The following RSF1 variants were observed in gnomAD, a reference collection of about 807,000 sequenced individuals.
RSF1 encodes the protein remodeling and spacing factor 1.
A neutral mutation model predicts 145.2 loss-of-function variants in RSF1; 13 were observed. The observed-to-expected ratio is 0.09, with a 90% CI of 0.06 to 0.14. RSF1 has a LOEUF of 0.14. Ranked by LOEUF, RSF1 falls within the 10% of genes least tolerant of loss-of-function variation. The pLI, the probability that RSF1 is intolerant of heterozygous loss-of-function variation, is 1.00. For missense variants in RSF1, 1,517 were observed against 1,718.2 expected (o/e 0.88, Z 2.07); for synonymous variants, 577 against 592.6 (o/e 0.97, Z 0.38).
At chr11:77,787,786 T>G (rs1173795467) in intron 1 of RSF1, among the ~76,000 whole-genome samples, 1 of 146,376 alleles carries the variant, frequency 6.8e-6, no homozygotes, top group Admixed American at 7.0e-5. Context: ...CAGAGTTTAG[T>G]ATCTACTAAA....
intron 1 of RSF1, among the ~76,000 whole-genome samples, chr11:77,790,489 T>C (rs1031235340): frequency 1.3e-5 from 2 of 152,062 alleles, no homozygotes; most frequent in Admixed American, 6.6e-5. Context: ...TCCTCACATT[T>C]CAAAACCAAA....
intron 4 of RSF1, among the ~76,000 whole-genome samples, chr11:77,736,159 A>G (rs941419639): frequency 2.0e-5 from 3 of 152,244 alleles, no homozygotes; most frequent in African/African-American, 7.2e-5. Context: ...GTCTTAAGAC[A>G]ATCACTCCCC....
chr11:77,731,234 A>G (rs1161491752), intron 4 of RSF1, among the ~76,000 whole-genome samples: 1 of 152,120 alleles, frequency 6.6e-6, no homozygotes, highest in Non-Finnish European at 1.5e-5. Flanking sequence ...TTTAGCAGAG[A>G]CTGGTGGCCT....
intron 1 of RSF1, among the ~76,000 whole-genome samples, chr11:77,770,909 G>A (rs958709763): frequency 2.0e-5 from 3 of 152,132 alleles, no homozygotes; most frequent in Non-Finnish European, 4.4e-5. Context: ...AACCCACACA[G>A]CAGTCAGTCT....
At chr11:77,838,181 G>A in the RSF1 span, among the ~76,000 whole-genome samples, 7 of 151,868 alleles carry the variant, frequency 4.6e-5, no homozygotes, top group Admixed American at 1.3e-4. Context: ...ATATGGTTAA[G>A]GAGACACATA....
At chr11:77,725,737 T>C (rs781672585) in intron 4 of RSF1, 38 bp from the exon 5 acceptor site, 2 of 1,490,200 alleles carry the variant, frequency 1.3e-6, no homozygotes, top group South Asian at 2.9e-5. Context: ...TAAAAACCTT[T>C]TTCCTGTTCT....
intron 1 of RSF1, among the ~76,000 whole-genome samples, chr11:77,799,029 C>A (rs1187732022): frequency 1.3e-5 from 2 of 149,804 alleles, no homozygotes; most frequent in African/African-American, 2.5e-5. Flanking sequence ...ACAAATGGGA[C>A]TATATTAAAT....
At chr11:77,763,386 A>T (rs1271088402) in intron 2 of RSF1, 3 of 152,044 alleles carry the variant, frequency 2.0e-5, no homozygotes, top group Non-Finnish European at 2.9e-5. Context: ...AGAAACTTAC[A>T]ATATACACAA....
chr11:77,765,754 T>C (rs965852020), intron 1 of RSF1, among the ~76,000 whole-genome samples: 1 of 152,342 alleles, frequency 6.6e-6, no homozygotes, highest in East Asian at 1.9e-4. Flanking sequence ...AGCATTTTTC[T>C]TTTTTCTTTT....
At chr11:77,697,736 T>C (rs914260277) in intron 7 of RSF1, among the ~76,000 whole-genome samples, 1 of 151,532 alleles carries the variant, frequency 6.6e-6, no homozygotes, top group African/African-American at 2.4e-5. Flanking sequence ...ATAGCAGGTG[T>C]ATATATTTAT....
chr11:77,844,578 T>A, the RSF1 span, among the ~76,000 whole-genome samples: 1 of 152,052 alleles, frequency 6.6e-6, no homozygotes, highest in South Asian at 2.1e-4. Flanking sequence ...CCCAGGCTGG[T>A]CTTGAACTCC....
chr11:77,724,111 T>C (rs921651917), intron 5 of RSF1, among the ~76,000 whole-genome samples: 1 of 152,154 alleles, frequency 6.6e-6, no homozygotes, highest in African/African-American at 2.4e-5. Flanking sequence ...TAAACATTTT[T>C]CCAAAGAAGA....
chr11:77,834,082 T>G, the RSF1 span, among the ~76,000 whole-genome samples: 1 of 152,234 alleles, frequency 6.6e-6, no homozygotes, highest in Non-Finnish European at 1.5e-5. Context: ...TATATGTCTG[T>G]TTTTTATGGT....
chr11:77,862,686 G>A, the RSF1 span, among the ~76,000 whole-genome samples: 1 of 152,092 alleles, frequency 6.6e-6, no homozygotes, highest in Non-Finnish European at 1.5e-5. Flanking sequence ...ACATAATTGC[G>A]AGTTGTCTCT....
chr11:77,863,368 G>A, the RSF1 span, among the ~76,000 whole-genome samples: 3 of 152,146 alleles, frequency 2.0e-5, no homozygotes, highest in Admixed American at 6.5e-5. Flanking sequence ...TGGACGGTGA[G>A]CGAAAACTCA....
chr11:77,814,773 T>C (rs1590904280), intron 1 of RSF1, among the ~76,000 whole-genome samples: 1 of 152,216 alleles, frequency 6.6e-6, no homozygotes, highest in Non-Finnish European at 1.5e-5. Context: ...AAAGTAGGCA[T>C]TCACCTCAGA....
chr11:77,777,554 T>C (rs770249035), intron 1 of RSF1, among the ~76,000 whole-genome samples: 33 of 152,132 alleles, frequency 2.2e-4, no homozygotes, highest in East Asian at 1.9e-3. Context: ...GATGGCACCA[T>C]TGCACTCCAG....
At position 77,772,412 on chromosome 11, in the gene RSF1, G is replaced by A. The variant is rs562029133; in HGVS notation, c.188-7723C>T. Among the ~76,000 whole-genome samples the A allele has an allele frequency of 1.1e-4, 17 of 152,170 alleles. No individual in the cohort carries two copies. In the East Asian group the frequency reaches 2.5e-3, roughly 23 times the overall value. On this transcript the variant is annotated intron_variant, in intron 1 of 15. Coordinates refer to ENST00000308488, the MANE Select transcript of RSF1 (RefSeq NM_016578.4). ...TGGTCTCAAACTCCGGGGCTCAAGC[G>A]ATCCGCCCATCTTGGCCTCCCAAAG... is the stretch of plus-strand genomic sequence containing the variant.
intron 2 of RSF1, among the ~76,000 whole-genome samples, chr11:77,751,988 TA>T (rs1948068020): frequency 6.6e-6 from 1 of 152,146 alleles, no homozygotes; most frequent in African/African-American, 2.4e-5. Context: ...CCACAAATAT[TA>T]CTATGTGCAG....
Sources: gnomAD v4.1 joint callset for allele counts (sites outside exome capture counted in the v4.1 genomes callset) on GRCh38, gnomAD v4.1.1 for gene constraint, MANE v1.5 for transcripts, NCBI Gene and HGNC (gene_info 2026-07-23, HGNC 2026-07-21) for gene names.